The following USH2A variants were observed in gnomAD, a reference collection of about 807,000 sequenced individuals.
USH2A encodes usherin.
In USH2A, 443 loss-of-function variants were observed where a neutral mutation model predicts 538.9. That is an observed-to-expected ratio of 0.82 (90% CI 0.76 to 0.89). The LOEUF (loss-of-function observed/expected upper bound fraction) is 0.89. Ranked by LOEUF, USH2A falls within the 40% of genes least tolerant of loss-of-function variation. The probability of loss-of-function intolerance (pLI) is 0.00; values close to 1 mark genes in which losing one functional copy is unlikely to be tolerated. For missense variants in USH2A, 6,633 were observed against 6,324.8 expected, an observed-to-expected ratio of 1.05 and a Z score of -1.65; for synonymous variants, 2,413 against 2,273.5, an observed-to-expected ratio of 1.06 and a Z score of -1.75.
At chr1:216,402,418 C>T (rs1571784065) in intron 3 of USH2A, among the ~76,000 whole-genome samples, 1 of 151,948 alleles carries the variant, frequency 6.6e-6, no homozygotes, top group East Asian at 1.9e-4. Context: ...TTGAACAACA[C>T]AGGTTTGAAC....
intron 30 of USH2A, among the ~76,000 whole-genome samples, chr1:216,058,177 T>C (rs1313248393): frequency 7.9e-6 from 1 of 127,264 alleles, no homozygotes; most frequent in East Asian, 1.9e-4. Context: ...TGTGTGGGTC[T>C]CGCCTATGAA....
Position 215,675,550 on chromosome 1 carries a change from G to GGC in USH2A, c.12359_12360dup (p.Arg4121AlafsTer11), listed in dbSNP as rs1401272369. 6.2e-7 allele frequency: 1 copy of GGC among 1,613,876 alleles called. No individual in the cohort carries two copies. Among genetic ancestry groups the GGC allele is most frequent in the East Asian group, 2.2e-5 (1 of 44,864 alleles). The stretch of plus-strand genomic sequence containing the variant: ...GTGTAGAGAGTGAAAGGATCCAGGC[G>GGC]GCGGAAGAGAAACTGACGATTCAAA... On this transcript the variant is annotated frameshift_variant, in exon 63 of 72. Coordinates refer to ENST00000307340, the MANE Select transcript of USH2A (RefSeq NM_206933.4). LOFTEE classifies it high-confidence loss of function.
chr1:216,297,207 A>C (rs2037124768), intron 9 of USH2A, among the ~76,000 whole-genome samples: 1 of 151,980 alleles, frequency 6.6e-6, no homozygotes, highest in Non-Finnish European at 1.5e-5. Context: ...TTCTCTCATA[A>C]GGTTGCTGTA....
chr1:216,071,944 T>C (rs78270735), intron 29 of USH2A, among the ~76,000 whole-genome samples: 1,598 of 152,270 alleles, frequency 0.01, 39 homozygotes, highest in African/African-American at 0.037. Context: ...GGAAAATATG[T>C]AGGTAGAGAG....
rs747033392 is a variant in USH2A, at chr1:216,422,080, T to C, written c.257A>G (p.Gln86Arg). 1 of 1,613,824 alleles carries C rather than the reference T, an allele frequency of 6.2e-7. No individual in the cohort carries two copies. The highest frequency in any genetic ancestry group is 1.1e-5 in the South Asian group (1 of 91,074). Residue 86 changes from glutamine (Q) to arginine (R), a missense_variant, in exon 2 of 72, where the codon CAG becomes CGG. Gln to Arg is a conservative substitution (Grantham distance 43, BLOSUM62 1). Transcript: ENST00000307340. ...IQFCTQRFCIQDCPYRSSHPT... is the reference protein window; with the variant it reads ...IQFCTQRFCIRDCPYRSSHPT... ...GTGTGAAGATCTGTATGGGCAATCC[T>C]GAATACAAAACCGCTGGGTACAGAA...
chr1:215,842,238 C>A (rs1663700299), intron 46 of USH2A, among the ~76,000 whole-genome samples: 1 of 152,268 alleles, frequency 6.6e-6, no homozygotes, highest in Middle Eastern at 3.4e-3. Context: ...TACAGAAATG[C>A]ACATCAAAAC....
At chr1:215,892,362 ACT>A (rs1665232013) in intron 40 of USH2A, among the ~76,000 whole-genome samples, 1 of 151,752 alleles carries the variant, frequency 6.6e-6, no homozygotes, top group African/African-American at 2.4e-5. Flanking sequence ...CAGTTTAAAA[ACT>A]CTTTTTGGTA....
intron 47 of USH2A, among the ~76,000 whole-genome samples, chr1:215,828,407 C>T (rs1663216362): frequency 6.6e-6 from 1 of 152,116 alleles, no homozygotes; most frequent in South Asian, 2.1e-4. Flanking sequence ...GTGAGCTGCA[C>T]TCCAGCTTGG....
chr1:216,039,454 A>C (rs7552419), intron 32 of USH2A, among the ~76,000 whole-genome samples: 1 of 151,734 alleles, frequency 6.6e-6, no homozygotes, highest in Admixed American at 6.6e-5. Context: ...TGAGACCGTC[A>C]TCTTACCTGG....
intron 35 of USH2A, among the ~76,000 whole-genome samples, chr1:215,986,655 C>T (rs1667881179): frequency 6.6e-6 from 1 of 152,168 alleles, no homozygotes; most frequent in Non-Finnish European, 1.5e-5. Flanking sequence ...TTCAGCAGGC[C>T]AAGAGGAAGA....
At chr1:216,201,279 G>A (rs945990667) in intron 16 of USH2A, among the ~76,000 whole-genome samples, 4 of 150,010 alleles carry the variant, frequency 2.7e-5, no homozygotes, top group African/African-American at 9.8e-5. Flanking sequence ...ATAACCCATC[G>A]TGTAAACCTA....
At position 216,200,134 on chromosome 1, in the gene USH2A, G is replaced by GAAAAA. The variant is rs376363548; in HGVS notation, c.3317-18_3317-14dup. ...AAGTATTGAATACCTGAAATGAAAA[G>GAAAAA]AAAAAAAAAAAACAAAGTTACATTT... On this transcript the variant is annotated splice_polypyrimidine_tract_variant and intron_variant, in intron 16 of 71. Transcript: ENST00000307340. 1 of 1,281,532 alleles carries GAAAAA rather than the reference G, an allele frequency of 7.8e-7. No homozygotes were observed. The highest frequency in any genetic ancestry group is 1.4e-5 in the South Asian group (1 of 70,272). The allele number at this position is 1,281,532 out of a possible 1,614,324, so 79.4% of individuals were successfully genotyped here. A position where few individuals can be genotyped will look rare whatever the true frequency, so the allele number is the denominator to read the frequency against.
At chr1:216,064,387 G>C (rs538336709) in intron 30 of USH2A, among the ~76,000 whole-genome samples, 1 of 152,058 alleles carries the variant, frequency 6.6e-6, no homozygotes, top group South Asian at 2.1e-4. Flanking sequence ...CTCAATTCAT[G>C]TAAGGGGAAA....
intron 13 of USH2A, among the ~76,000 whole-genome samples, chr1:216,232,844 G>A (rs546035063): frequency 6.6e-6 from 1 of 152,148 alleles, no homozygotes; most frequent in East Asian, 1.9e-4. Context: ...ATCTCATTTA[G>A]TTGTCATAGA....
chr1:216,419,845 G>T (rs1427009409), intron 2 of USH2A, among the ~76,000 whole-genome samples: 1 of 151,916 alleles, frequency 6.6e-6, no homozygotes, highest in Admixed American at 6.6e-5. Flanking sequence ...CTTCTCACTT[G>T]CATCTATCAC....
chr1:215,729,732 G>A (rs115609631), intron 60 of USH2A, among the ~76,000 whole-genome samples: 4 of 152,140 alleles, frequency 2.6e-5, no homozygotes, highest in African/African-American at 9.7e-5. Flanking sequence ...CTGGACTCAA[G>A]AAATCCTCCT....
At chr1:215,729,222 C>T (rs1659921095) in intron 60 of USH2A, among the ~76,000 whole-genome samples, 1 of 152,168 alleles carries the variant, frequency 6.6e-6, no homozygotes, top group African/African-American at 2.4e-5. Flanking sequence ...TGATGAAGAA[C>T]TATGAAGGGA....
At chr1:215,721,735 T>C (rs1486045225) in intron 61 of USH2A, among the ~76,000 whole-genome samples, 3 of 151,940 alleles carry the variant, frequency 2.0e-5, no homozygotes, top group African/African-American at 4.8e-5. Flanking sequence ...GGCAAGTAAA[T>C]GAAAAGTTGA....
intron 53 of USH2A, 98 bp downstream of exon 53, chr1:215,782,640 T>TGCCC: frequency 8.0e-7 from 1 of 1,253,800 alleles, no homozygotes; most frequent in African/African-American, 1.5e-5. Context: ...TTTCTAGTGG[T>TGCCC]TAGATGCATA....
Sources: allele counts gnomAD v4.1 joint callset (sites outside exome capture counted in the v4.1 genomes callset), GRCh38; gene constraint gnomAD v4.1.1; transcripts MANE v1.5; gene names NCBI Gene and HGNC (gene_info 2026-07-23, HGNC 2026-07-21).